The following TMEM229B variants were observed in gnomAD, a reference collection of about 807,000 sequenced individuals.
The protein encoded by TMEM229B is chromosome 14 open reading frame 83.
Under a neutral mutation model 13.7 loss-of-function variants are expected in TMEM229B, and 6 were observed. The ratio of observed to expected loss-of-function variants is 0.44; its 90% CI spans 0.24 to 0.86. The LOEUF (loss-of-function observed/expected upper bound fraction) is 0.86. Ranked by LOEUF, TMEM229B falls within the 40% of genes least tolerant of loss-of-function variation. TMEM229B has a pLI of 0.23. For synonymous variants in TMEM229B, 107 were observed against 102.1 expected (o/e 1.05, Z -0.29); for missense variants, 170 against 236.0 (o/e 0.72, Z 1.83).
At chr14:67,509,697 A>C (rs997811584) in intron 1 of TMEM229B, among the ~76,000 whole-genome samples, 3 of 152,142 alleles carry the variant, frequency 2.0e-5, no homozygotes, top group Admixed American at 6.5e-5. Context: ...ATCTGATCCA[A>C]GCTTATAAAA....
chr14:67,473,221 TCCACACCCCATCCCCCAACACCTGA>T lies in TMEM229B; in HGVS notation c.*174_*198del. On this transcript the variant is annotated 3_prime_UTR_variant, in exon 3 of 3. Coordinates refer to ENST00000554480, the MANE Select transcript of TMEM229B (RefSeq NM_001348543.2). The surrounding 1 kb of genome is among the most constrained non-coding windows in gnomAD (Gnocchi z 6.5). ...CCCTTCCCAATGTCCCTCTGCTGCC[TCCACACCCCATCCCCCAACACCTGA>T]CCACGGCCCCCCAACACCGGCCCCC... 1 of 690,720 alleles carries T rather than the reference TCCACACCCCATCCCCCAACACCTGA, an allele frequency of 1.4e-6. No homozygotes were observed. The highest frequency in any genetic ancestry group is 2.4e-6 in the Non-Finnish European group (1 of 422,714). 42.8% of individuals were successfully genotyped at this position (690,720 alleles called of 1,614,324 possible).
At chr14:67,486,341 C>G (rs2031878572) in intron 2 of TMEM229B, among the ~76,000 whole-genome samples, 1 of 152,258 alleles carries the variant, frequency 6.6e-6, no homozygotes, top group East Asian at 1.9e-4. Context: ...ATGGCACGAT[C>G]TTGGCTCACT....
chr14:67,506,127 A>G (rs1189609620), intron 1 of TMEM229B, among the ~76,000 whole-genome samples: 1 of 152,238 alleles, frequency 6.6e-6, no homozygotes, highest in Non-Finnish European at 1.5e-5. Context: ...GTACCCAGTG[A>G]GCACTTTCCT....
At chr14:67,502,070 C>T (rs1417093823) in intron 1 of TMEM229B, among the ~76,000 whole-genome samples, 1 of 152,190 alleles carries the variant, frequency 6.6e-6, no homozygotes, top group Non-Finnish European at 1.5e-5. Context: ...CTGTGGCTCA[C>T]ACTTGTAATA....
At chr14:67,500,181 A>G (rs923067989) in intron 1 of TMEM229B, among the ~76,000 whole-genome samples, 4 of 152,070 alleles carry the variant, frequency 2.6e-5, no homozygotes, top group African/African-American at 9.7e-5. Context: ...AAATAAATAA[A>G]TAGAAAACAA....
At chr14:67,490,148 A>G (rs936181483), upstream of TMEM229B, among the ~76,000 whole-genome samples, 6 of 152,188 alleles carry the variant, frequency 3.9e-5, 1 homozygote, top group African/African-American at 1.4e-4. Flanking sequence ...AATGTTACTA[A>G]TCAAACATAG....
chr14:67,514,901 G>T (rs368758503), intron 1 of TMEM229B, among the ~76,000 whole-genome samples: 1 of 152,204 alleles, frequency 6.6e-6, no homozygotes, highest in South Asian at 2.1e-4. Flanking sequence ...ATCTCGAACC[G>T]GGGCAGCAGC....
intron 2 of TMEM229B, among the ~76,000 whole-genome samples, chr14:67,474,170 T>C (rs1224955511): frequency 6.6e-6 from 1 of 151,816 alleles, no homozygotes; most frequent in Non-Finnish European, 1.5e-5. Context: ...AAGAATCGCT[T>C]GAACCCGCAA....
At chr14:67,485,388 A>G (rs1417981014) in intron 2 of TMEM229B, among the ~76,000 whole-genome samples, 3 of 152,220 alleles carry the variant, frequency 2.0e-5, no homozygotes, top group African/African-American at 7.2e-5. Context: ...GCTGAGTGGA[A>G]AACAGATTCT....
chr14:67,478,207 T>G (rs530341021), intron 2 of TMEM229B, among the ~76,000 whole-genome samples: 1 of 152,354 alleles, frequency 6.6e-6, no homozygotes, highest in South Asian at 2.1e-4. Context: ...GGGCATATTC[T>G]TCTCATGGCA....
At chr14:67,520,667 A>G (rs183298796) in intron 1 of TMEM229B, among the ~76,000 whole-genome samples, 29 of 152,340 alleles carry the variant, frequency 1.9e-4, no homozygotes, top group African/African-American at 6.5e-4. Flanking sequence ...TTATGTGGAC[A>G]TAAATTTCCA....
chr14:67,502,286 G>A (rs1489967288), intron 1 of TMEM229B, among the ~76,000 whole-genome samples: 4 of 151,536 alleles, frequency 2.6e-5, no homozygotes, highest in African/African-American at 7.3e-5. Flanking sequence ...AGCCGAGATC[G>A]TGCCATTGTA....
intron 1 of TMEM229B, among the ~76,000 whole-genome samples, chr14:67,533,004 C>G (rs901292908): frequency 2.6e-5 from 4 of 152,182 alleles, no homozygotes; most frequent in Non-Finnish European, 5.9e-5. Context: ...CCGCCGCCCT[C>G]CCTGCCGCCC....
chr14:67,491,517 T>C (rs1390719844), upstream of TMEM229B, among the ~76,000 whole-genome samples: 1 of 152,180 alleles, frequency 6.6e-6, no homozygotes, highest in Admixed American at 6.5e-5. Context: ...TTATTATGAA[T>C]AACAAAAGAC....
intron 2 of TMEM229B, among the ~76,000 whole-genome samples, chr14:67,475,041 G>T (rs2031090900): frequency 6.7e-6 from 1 of 150,308 alleles, no homozygotes; most frequent in Non-Finnish European, 1.5e-5. Context: ...TCAGACTCCT[G>T]AGTAGCTGGG....
chr14:67,471,631 A>C lies in TMEM229B; in HGVS notation c.*1789T>G, dbSNP rs1436601787. 1.3e-5 allele frequency: 2 copies of C among 152,188 alleles called. No homozygotes were observed. The highest frequency in any genetic ancestry group is 3.9e-4 in the East Asian group (2 of 5,186). 9.4% of individuals were successfully genotyped at this position (152,188 alleles called of 1,614,324 possible). ...CCTGGATTTGAGGAGCCTGCCCAGG[A>C]AATAGGCTAGGAAATACCCTTCGTT... On this transcript the variant is annotated 3_prime_UTR_variant, in exon 3 of 3. Coordinates refer to ENST00000554480, the MANE Select transcript of TMEM229B (RefSeq NM_001348543.2).
chr14:67,514,824 C>T (rs1281474969), intron 1 of TMEM229B, among the ~76,000 whole-genome samples: 1 of 152,210 alleles, frequency 6.6e-6, no homozygotes, highest in African/African-American at 2.4e-5. Flanking sequence ...CAACACGCCC[C>T]CCTGTGCGCC....
intron 1 of TMEM229B, among the ~76,000 whole-genome samples, chr14:67,529,477 T>C (rs1191225153): frequency 6.6e-6 from 1 of 152,210 alleles, no homozygotes; most frequent in African/African-American, 2.4e-5. Flanking sequence ...AGTAACTGAA[T>C]GAATAAATGA....
intron 1 of TMEM229B, among the ~76,000 whole-genome samples, chr14:67,506,655 A>C (rs774799600): frequency 1.3e-5 from 2 of 152,152 alleles, no homozygotes; most frequent in Non-Finnish European, 2.9e-5. Flanking sequence ...TGAAATGAAA[A>C]TAGAAGGAAT....
Sources: allele counts gnomAD v4.1 joint callset (sites outside exome capture counted in the v4.1 genomes callset), GRCh38; gene constraint gnomAD v4.1.1; non-coding constraint Gnocchi (gnomAD v3.1); transcripts MANE v1.5; gene names NCBI Gene and HGNC (gene_info 2026-07-23, HGNC 2026-07-21).